The following ORC4 variants were observed in gnomAD, a reference collection of about 807,000 sequenced individuals.
ORC4 encodes origin recognition complex, subunit 4 homolog.
A neutral mutation model predicts 63.9 loss-of-function variants in ORC4; 55 were observed. That is an observed-to-expected ratio of 0.86 (90% CI 0.69 to 1.08). The LOEUF (loss-of-function observed/expected upper bound fraction) is 1.08. Ranked by LOEUF, ORC4 falls within the 50% of genes least tolerant of loss-of-function variation. The probability of loss-of-function intolerance (pLI) is 0.00; values close to 1 mark genes in which losing one functional copy is unlikely to be tolerated. For synonymous variants in ORC4, 150 were observed against 168.5 expected, an observed-to-expected ratio of 0.89 and a Z score of 0.85; for missense variants, 511 against 504.4, an observed-to-expected ratio of 1.01 and a Z score of -0.13.
intron 1 of ORC4, among the ~76,000 whole-genome samples, chr2:147,990,035 T>C (rs948369992): frequency 6.6e-6 from 1 of 152,190 alleles, no homozygotes; most frequent in Non-Finnish European, 1.5e-5. Context: ...ACTGCTTTCT[T>C]TCCAGATGGT....
intron 4 of ORC4, among the ~76,000 whole-genome samples, chr2:147,960,542 A>C (rs189129489): frequency 6.6e-6 from 1 of 152,332 alleles, no homozygotes; most frequent in Non-Finnish European, 1.5e-5. Flanking sequence ...CTTTGTGCCT[A>C]AAATTTAATT....
chr2:147,975,010 T>A lies in ORC4; in HGVS notation c.57+892A>T, dbSNP rs76142442. Among the ~76,000 whole-genome samples the A allele has an allele frequency of 9.3e-4, 142 of 152,238 alleles. 4 individuals are homozygous for A. In the East Asian group the frequency reaches 0.027, roughly 28 times the overall value. ...ACATGGAGGATTCGTGCACTTTACATACAAAGGTATGTAAAGCATATTTCA... is the reference window on the plus strand; with the variant it reads ...ACATGGAGGATTCGTGCACTTTACAAACAAAGGTATGTAAAGCATATTTCA... On this transcript the variant is annotated intron_variant, in intron 2 of 13. Coordinates refer to ENST00000392857, the MANE Select transcript of ORC4 (RefSeq NM_181741.4).
chr2:147,956,615 A>G (rs1322581618), intron 6 of ORC4, among the ~76,000 whole-genome samples: 1 of 152,062 alleles, frequency 6.6e-6, no homozygotes, highest in Admixed American at 6.6e-5. Context: ...TTATATAATG[A>G]AGGAATTAAA....
chr2:147,935,834 T>C (rs953964199), intron 13 of ORC4, 136 bp from the exon 14 acceptor site: 24 of 686,684 alleles, frequency 3.5e-5, no homozygotes, highest in East Asian at 2.3e-4. Context: ...CAACAATCAA[T>C]AGGATTAAAA....
intron 1 of ORC4, among the ~76,000 whole-genome samples, chr2:147,995,861 A>C (rs1691932271): frequency 6.6e-6 from 1 of 152,164 alleles, no homozygotes. Flanking sequence ...GAGACGAAGA[A>C]CCCAATGGAA....
rs367717845 is a variant in ORC4, at chr2:147,986,302, G to T, written c.-17-10327C>A. 8.5e-5 allele frequency among the ~76,000 whole-genome samples: 13 copies of T among 152,186 alleles called. No homozygotes were observed. The East Asian group carries it at 2.5e-3, about 29-fold the overall frequency. ...TAGCAGTAACTAAACAAAGAGACAA[G>T]TTAATAATAAACAAGCCTAGAAAAT... On this transcript the variant is annotated intron_variant, in intron 1 of 13. Transcript: ENST00000392857.
chr2:147,949,386 AGAAAGT>A (rs1167433357), intron 8 of ORC4, among the ~76,000 whole-genome samples: 2 of 152,196 alleles, frequency 1.3e-5, no homozygotes, highest in Non-Finnish European at 2.9e-5. Context: ...CTAAACAGTC[AGAAAGT>A]GGATTAGCAG....
Position 147,955,388 on chromosome 2 carries a change from A to C in ORC4, c.395T>G (p.Phe132Cys). ...CAGAAGAAATGAAAGGTTTTCAGCA[A>C]AGCTTCCCTGAACAACAAAATGAGA... ...NVVGDKVFGS[F>C]AENLSFLLEA... Residue 132 changes from phenylalanine to cysteine, a missense_variant, in exon 7 of 14, where the codon TTT (phenylalanine) becomes TGT (cysteine). Physicochemically the swap from Phe to Cys is radical, Grantham distance 205 (BLOSUM62 -2). Coordinates refer to ENST00000392857, the MANE Select transcript of ORC4 (RefSeq NM_181741.4). The C allele has an allele frequency of 6.2e-7, 1 of 1,604,316 alleles. No homozygotes were observed. Among genetic ancestry groups the C allele is most frequent in the South Asian group, 1.1e-5 (1 of 90,504 alleles).
At chr2:147,975,837 T>C (rs185059726) in intron 2 of ORC4, 65 bp downstream of exon 2, 3 of 945,706 alleles carry the variant, frequency 3.2e-6, no homozygotes, top group African/African-American at 3.2e-5. Flanking sequence ...GTTAAGAAGA[T>C]AACTATTTCT....
chr2:147,972,210 A>G (rs1008356039), intron 4 of ORC4, among the ~76,000 whole-genome samples: 1 of 152,166 alleles, frequency 6.6e-6, no homozygotes, highest in African/African-American at 2.4e-5. Context: ...AAAGGAGACA[A>G]GAATGATATA....
intron 1 of ORC4, among the ~76,000 whole-genome samples, chr2:147,976,269 A>AT (rs1170756543): frequency 1.3e-5 from 2 of 152,030 alleles, no homozygotes; most frequent in Non-Finnish European, 2.9e-5. Flanking sequence ...GATAGGCACC[A>AT]TTTTTCAAAC....
intron 1 of ORC4, among the ~76,000 whole-genome samples, chr2:148,000,412 T>G (rs148306652): frequency 6.2e-4 from 94 of 152,290 alleles, no homozygotes; most frequent in African/African-American, 2.2e-3. Flanking sequence ...TTACAACAGA[T>G]GCTATGAATT....
At chr2:148,016,853 G>A (rs1220291522) in intron 1 of ORC4, among the ~76,000 whole-genome samples, 2 of 152,156 alleles carry the variant, frequency 1.3e-5, no homozygotes, top group African/African-American at 4.8e-5. Flanking sequence ...ATTGACAGCT[G>A]ATTTCTCAAA....
At chr2:147,939,537 C>A (rs931778538) in intron 10 of ORC4, among the ~76,000 whole-genome samples, 3 of 151,974 alleles carry the variant, frequency 2.0e-5, no homozygotes, top group Admixed American at 6.6e-5. Context: ...AGGAGTAGGT[C>A]AAGGAGAAGA....
At chr2:147,994,303 T>C (rs1691803566) in intron 1 of ORC4, among the ~76,000 whole-genome samples, 1 of 152,200 alleles carries the variant, frequency 6.6e-6, no homozygotes, top group Non-Finnish European at 1.5e-5. Flanking sequence ...ATAAATTCAA[T>C]GCAATCCCAA....
intron 4 of ORC4, among the ~76,000 whole-genome samples, chr2:147,970,910 T>C (rs973120433): frequency 1.3e-5 from 2 of 151,956 alleles, no homozygotes; most frequent in African/African-American, 4.8e-5. Flanking sequence ...TAAGGCAGGA[T>C]TGCTTGAGCT....
chr2:147,973,512 A>G lies in ORC4; in HGVS notation c.70T>C (p.Leu24=), dbSNP rs1690347642. Residue 24 remains leucine (L), a synonymous_variant, in exon 3 of 14, where the codon TTA becomes CTA. Coordinates refer to ENST00000392857, the MANE Select transcript of ORC4 (RefSeq NM_181741.4). ...TECLSQVQRI[L]RERFCRQSPH... ...CTCTGACGACAAAATCTTTCACGTA[A>G]AATTCTTTGTACCTGATGAAAATAA... 3 of 1,590,910 alleles carry G rather than the reference A, an allele frequency of 1.9e-6. No individual in the cohort carries two copies. The highest frequency in any genetic ancestry group is 2.6e-6 in the Non-Finnish European group (3 of 1,159,906).
chr2:148,009,393 C>T (rs972598240), intron 1 of ORC4, among the ~76,000 whole-genome samples: 1 of 151,808 alleles, frequency 6.6e-6, no homozygotes, highest in African/African-American at 2.4e-5. Context: ...AGATACTGCA[C>T]CAAACAGAAA....
Position 147,942,921 on chromosome 2 carries a change from T to G in ORC4, c.849+515A>C, listed in dbSNP as rs533824370. 2.0e-5 allele frequency among the ~76,000 whole-genome samples: 3 copies of G among 152,264 alleles called. No homozygotes were observed. The South Asian group carries it at 6.2e-4, about 32-fold the overall frequency. On this transcript the variant is annotated intron_variant, in intron 10 of 13. Coordinates refer to ENST00000392857, the MANE Select transcript of ORC4 (RefSeq NM_181741.4). ...AGTCAATCACATTTCTATATATTAA[T>G]GTGTATATATATAATCAATCACATA...
Sources: allele counts gnomAD v4.1 joint callset (sites outside exome capture counted in the v4.1 genomes callset), GRCh38; gene constraint gnomAD v4.1.1; transcripts MANE v1.5; gene names NCBI Gene and HGNC (gene_info 2026-07-23, HGNC 2026-07-21).